Variants in ABTB3 observed in about 807,000 individuals in gnomAD.
ABTB3 encodes ankyrin repeat- and BTB/POZ domain-containing protein 3.
the ABTB3 span, among the ~76,000 whole-genome samples, chr12:107,641,880 A>T: frequency 6.6e-6 from 1 of 152,222 alleles, no homozygotes; most frequent in Non-Finnish European, 1.5e-5. Context: ...TGTTGAAAAC[A>T]CTGTTTTTTA....
the ABTB3 span, among the ~76,000 whole-genome samples, chr12:107,384,487 G>A: frequency 6.6e-6 from 1 of 152,216 alleles, no homozygotes; most frequent in Non-Finnish European, 1.5e-5. Context: ...GGCAGGTGTC[G>A]TAGGTTGAGT....
chr12:107,520,992 C>A, the ABTB3 span, among the ~76,000 whole-genome samples: 1 of 152,296 alleles, frequency 6.6e-6, no homozygotes, highest in Non-Finnish European at 1.5e-5. Context: ...AAATAACAAA[C>A]AGAGAAGGAG....
At chr12:107,446,994 C>T in the ABTB3 span, among the ~76,000 whole-genome samples, 1 of 152,206 alleles carries the variant, frequency 6.6e-6, no homozygotes, top group Non-Finnish European at 1.5e-5. Context: ...GAAAGGTTAT[C>T]ACCCACTCAG....
chr12:107,469,948 CTTTCTTTCTTTCTTTCTTTCTT>C, the ABTB3 span, among the ~76,000 whole-genome samples: 1 of 42,824 alleles, frequency 2.3e-5, no homozygotes, highest in African/African-American at 1.4e-4. Context: ...CTTTCTCTTT[CTTTCTTTCTTTCTTTCTTTCTT>C]TCTTTCTTTC....
At chr12:107,456,199 T>C in the ABTB3 span, among the ~76,000 whole-genome samples, 1 of 152,210 alleles carries the variant, frequency 6.6e-6, no homozygotes, top group Non-Finnish European at 1.5e-5. Context: ...TTTATCCCCA[T>C]TTCACAGATA....
the ABTB3 span, among the ~76,000 whole-genome samples, chr12:107,532,453 T>C: frequency 5.9e-5 from 9 of 152,088 alleles, no homozygotes; most frequent in African/African-American, 2.2e-4. Flanking sequence ...GAAGAAATCA[T>C]ACAAAGGCTA....
At chr12:107,494,121 AAAG>A in the ABTB3 span, among the ~76,000 whole-genome samples, 1,169 of 152,306 alleles carry the variant, frequency 7.7e-3, 20 homozygotes, top group African/African-American at 0.027. Context: ...GCAAGTGAGA[AAAG>A]AACGTGGGTA....
At chr12:107,373,727 G>A in the ABTB3 span, among the ~76,000 whole-genome samples, 1 of 152,222 alleles carries the variant, frequency 6.6e-6, no homozygotes, top group Non-Finnish European at 1.5e-5. Context: ...GCCAGGAAGT[G>A]ATGGAGGGGA....
At chr12:107,466,567 G>T in the ABTB3 span, among the ~76,000 whole-genome samples, 2 of 152,028 alleles carry the variant, frequency 1.3e-5, no homozygotes, top group African/African-American at 4.8e-5. Context: ...GAAAGAAACA[G>T]CTTGGAGGAA....
chr12:107,588,062 G>A, the ABTB3 span, among the ~76,000 whole-genome samples: 3 of 152,146 alleles, frequency 2.0e-5, no homozygotes, highest in Admixed American at 6.5e-5. Context: ...TCCTTGGCTT[G>A]TGGCAGCATC....
the ABTB3 span, among the ~76,000 whole-genome samples, chr12:107,469,865 C>CT: frequency 1.1e-5 from 1 of 88,284 alleles, no homozygotes; most frequent in Non-Finnish European, 2.5e-5. Flanking sequence ...TTCTTTCTTT[C>CT]TTTTCTTTCT....
chr12:107,588,523 T>TTTTG, the ABTB3 span, among the ~76,000 whole-genome samples: 5 of 152,044 alleles, frequency 3.3e-5, no homozygotes, highest in African/African-American at 9.7e-5. Flanking sequence ...GTGTGGTGTT[T>TTTTG]TTTGTTTGTT....
At chr12:107,579,368 A>G in the ABTB3 span, among the ~76,000 whole-genome samples, 1 of 152,204 alleles carries the variant, frequency 6.6e-6, no homozygotes, top group Non-Finnish European at 1.5e-5. Context: ...CATGCTATAT[A>G]GTCAAGTAAC....
chr12:107,469,942 CTCTT>C, the ABTB3 span, among the ~76,000 whole-genome samples: 5,625 of 59,150 alleles, frequency 0.095, 676 homozygotes, highest in Non-Finnish European at 0.13. Context: ...CTCTTTCTTT[CTCTT>C]TCTTTCTTTC....
At chr12:107,344,306 T>A in the ABTB3 span, among the ~76,000 whole-genome samples, 1 of 152,120 alleles carries the variant, frequency 6.6e-6, no homozygotes, top group Non-Finnish European at 1.5e-5. Context: ...GGCTAAGAAG[T>A]TTAGTTCTTT....
chr12:107,473,220 A>G, the ABTB3 span, among the ~76,000 whole-genome samples: 2 of 152,170 alleles, frequency 1.3e-5, no homozygotes, highest in Admixed American at 1.3e-4. Flanking sequence ...GTGCCTTTTT[A>G]CCACCTGAAC....
At chr12:107,443,817 C>T in the ABTB3 span, among the ~76,000 whole-genome samples, 2 of 152,180 alleles carry the variant, frequency 1.3e-5, no homozygotes, top group Admixed American at 1.3e-4. Flanking sequence ...CTGGTCGGGA[C>T]ACTGGATGGC....
chr12:107,345,675 G>A, the ABTB3 span, among the ~76,000 whole-genome samples: 1 of 152,180 alleles, frequency 6.6e-6, no homozygotes, highest in African/African-American at 2.4e-5. Context: ...ATTCCCCAAA[G>A]GAAAACAAGG....
At chr12:107,612,637 C>T in the ABTB3 span, 18 of 832,876 alleles carry the variant, frequency 2.2e-5, no homozygotes, top group East Asian at 4.1e-4. Context: ...CCTTACGAGT[C>T]ACAGGGCTGC....
Sources: gnomAD v4.1 joint callset for allele counts (sites outside exome capture counted in the v4.1 genomes callset) on GRCh38, gnomAD v4.1.1 for gene constraint, MANE v1.5 for transcripts, NCBI Gene and HGNC (gene_info 2026-07-23, HGNC 2026-07-21) for gene names.